PMEPA1: variants seen among roughly 807,000 people sequenced by gnomAD.
PMEPA1 encodes the protein prostate transmembrane protein, androgen induced 1, also known as protein TMEPAI.
Under a neutral mutation model 23.0 loss-of-function variants are expected in PMEPA1, and 11 were observed. The ratio of observed to expected loss-of-function variants is 0.48; its 90% CI spans 0.30 to 0.79. PMEPA1 has a LOEUF of 0.79. PMEPA1 is among the 30% of genes least tolerant of loss of function. The pLI is 0.06. For synonymous variants in PMEPA1, 204 were observed against 166.4 expected (o/e 1.23, Z -1.74); for missense variants, 377 against 390.9 (o/e 0.96, Z 0.30).
chr20:57,651,867 C>G lies in PMEPA1; in HGVS notation c.*186G>C. 2 of 344,744 alleles carry G rather than the reference C, an allele frequency of 5.8e-6. No individual in the cohort carries two copies. The highest frequency in any genetic ancestry group is 4.9e-6 in the Non-Finnish European group (1 of 202,528). The allele number at this position is 344,744 out of a possible 1,614,324, so 21.4% of individuals were successfully genotyped here. A position where few individuals can be genotyped will look rare whatever the true frequency, so the allele number is the denominator to read the frequency against. On this transcript the variant is annotated 3_prime_UTR_variant, in exon 4 of 4. Transcript: ENST00000341744. ...TTTTTCTTTTTTCTTTTTTTTTTTG[C>G]AAGCTCTCTTAGCTTGTGCATTCAG...
chr20:57,700,144 T>A (rs1376259858), intron 1 of PMEPA1: 1 of 471,370 alleles, frequency 2.1e-6, no homozygotes, highest in East Asian at 6.9e-5. Context: ...ACTCTTCCAC[T>A]CCTGATGCTG....
intron 1 of PMEPA1, among the ~76,000 whole-genome samples, chr20:57,669,161 T>TTATTTATTTATG (rs2071533946): frequency 6.6e-6 from 1 of 151,444 alleles, no homozygotes; most frequent in Non-Finnish European, 1.5e-5. Context: ...ATTTATTTAT[T>TTATTTATTTATG]TATTTATTTA....
Position 57,686,138 on chromosome 20 carries a change from C to T in PMEPA1, c.109+23336G>A, listed in dbSNP as rs115315718. Among the ~76,000 whole-genome samples, 547 of 152,280 alleles carry T rather than the reference C, an allele frequency of 3.6e-3. 5 individuals are homozygous for T. The highest frequency in any genetic ancestry group is 0.013 in the African/African-American group (522 of 41,558). On this transcript the variant is annotated intron_variant, in intron 1 of 3. Coordinates refer to ENST00000341744, the MANE Select transcript of PMEPA1 (RefSeq NM_020182.5). ...GAGCTCCCAGAGCCTCAACACAAGC[C>T]GTGCGCTGACCTCTCCTTCAGGTTA...
Position 57,652,892 on chromosome 20 carries a change from G to A in PMEPA1, c.318+141C>T. 3 of 770,706 alleles carry A rather than the reference G, an allele frequency of 3.9e-6. No homozygotes were observed. Among genetic ancestry groups the A allele is most frequent in the Non-Finnish European group, 2.2e-6 (1 of 453,804 alleles). 47.7% of individuals were successfully genotyped at this position (770,706 alleles called of 1,614,324 possible). ...CAGGGGCAGGGAGCAGATGATCTCC[G>A]GCAAGGAGGATCCCAGCAGCAAGGG... On this transcript the variant is annotated intron_variant, in intron 3 of 3. Transcript: ENST00000341744. This position sits in a 1 kb window ranked among gnomAD's most constrained non-coding sequence, Gnocchi z 6.1.
chr20:57,657,819 G>A (rs1023415546), intron 2 of PMEPA1, among the ~76,000 whole-genome samples: 4 of 152,192 alleles, frequency 2.6e-5, no homozygotes, highest in Non-Finnish European at 5.9e-5. Flanking sequence ...AACCCCAGGC[G>A]TCCCCAGAAG....
chr20:57,673,516 C>A (rs1015846130), intron 1 of PMEPA1, among the ~76,000 whole-genome samples: 1 of 152,208 alleles, frequency 6.6e-6, no homozygotes, highest in African/African-American at 2.4e-5. Context: ...ATGAGCCCGG[C>A]ATGCAGGAGT....
At chr20:57,653,530 A>C (rs2071283816) in intron 2 of PMEPA1, among the ~76,000 whole-genome samples, 1 of 152,210 alleles carries the variant, frequency 6.6e-6, no homozygotes, top group Non-Finnish European at 1.5e-5. Flanking sequence ...TCTGTACCTG[A>C]ATTACAGTTC....
chr20:57,702,008 C>G lies in PMEPA1; in HGVS notation c.109+7466G>C, dbSNP rs558943638. On this transcript the variant is annotated intron_variant, in intron 1 of 3. Coordinates refer to ENST00000341744, the MANE Select transcript of PMEPA1 (RefSeq NM_020182.5). Reference sequence around the variant, plus strand: ...GGCCAGGGTGCTCCTGGGCCCCAAACAGGACACCAGGCTGGGGGTCTCCCT... The same window carrying G: ...GGCCAGGGTGCTCCTGGGCCCCAAAGAGGACACCAGGCTGGGGGTCTCCCT... Among the ~76,000 whole-genome samples the G allele has an allele frequency of 2.0e-5, 3 of 152,302 alleles. No individual in the cohort carries two copies. The East Asian group carries it at 5.8e-4, about 29-fold the overall frequency.
chr20:57,654,424 C>T (rs913159135), intron 2 of PMEPA1, among the ~76,000 whole-genome samples: 1 of 152,072 alleles, frequency 6.6e-6, no homozygotes, highest in South Asian at 2.1e-4. Flanking sequence ...TGGGTAGGAA[C>T]GGCCAGAGGG....
intron 1 of PMEPA1, among the ~76,000 whole-genome samples, chr20:57,669,776 G>A (rs546057847): frequency 5.3e-5 from 8 of 152,258 alleles, no homozygotes; most frequent in South Asian, 2.1e-4. Flanking sequence ...TGGGTCCCTC[G>A]AGGAGGGACC....
At chr20:57,668,881 C>T (rs977288526) in intron 1 of PMEPA1, among the ~76,000 whole-genome samples, 1 of 152,188 alleles carries the variant, frequency 6.6e-6, no homozygotes, top group South Asian at 2.1e-4. Context: ...TTGCCTTGAT[C>T]CCGGCCCCCA....
intron 1 of PMEPA1, among the ~76,000 whole-genome samples, chr20:57,660,490 C>A (rs551672846): frequency 6.8e-6 from 1 of 146,856 alleles, no homozygotes; most frequent in Non-Finnish European, 1.5e-5. Flanking sequence ...CCTACACACA[C>A]AACACCCCAA....
intron 1 of PMEPA1, among the ~76,000 whole-genome samples, chr20:57,691,079 G>A (rs1396422164): frequency 6.6e-6 from 1 of 152,168 alleles, no homozygotes; most frequent in Admixed American, 6.5e-5. Flanking sequence ...ACAGTCATTG[G>A]TTTTCTGGCC....
At chr20:57,690,521 G>A in intron 1 of PMEPA1, 4 of 1,294,530 alleles carry the variant, frequency 3.1e-6, no homozygotes, top group Non-Finnish European at 4.1e-6. Context: ...TTTTTATTGT[G>A]AAGCAAAAAA....
intron 1 of PMEPA1, chr20:57,700,160 A>G: frequency 2.1e-6 from 1 of 471,550 alleles, no homozygotes; most frequent in South Asian, 1.5e-5. Flanking sequence ...TGCTGATGCG[A>G]CTTGCATACT....
chr20:57,675,642 T>G (rs1319288484), intron 1 of PMEPA1, among the ~76,000 whole-genome samples: 1 of 152,182 alleles, frequency 6.6e-6, no homozygotes, highest in Non-Finnish European at 1.5e-5. Flanking sequence ...CTGAATGGAT[T>G]GCCGGGCCCA....
intron 1 of PMEPA1, among the ~76,000 whole-genome samples, chr20:57,696,816 G>A (rs554128100): frequency 2.0e-5 from 3 of 152,344 alleles, no homozygotes; most frequent in African/African-American, 7.2e-5. Flanking sequence ...TCAGAGCAGA[G>A]CTCAAGATTT....
rs944899812 is a variant in PMEPA1, at chr20:57,650,112, C to T, written c.*1941G>A. On this transcript the variant is annotated 3_prime_UTR_variant, in exon 4 of 4. Coordinates refer to ENST00000341744, the MANE Select transcript of PMEPA1 (RefSeq NM_020182.5). ...CTACTAGGCTGGCGGCATGCAGAGC[C>T]CACGTCTGTCAGCTGCCACCTTCGT... 6.6e-6 allele frequency: 1 copy of T among 152,266 alleles called. No individual in the cohort carries two copies. Among genetic ancestry groups the T allele is most frequent in the African/African-American group, 2.4e-5 (1 of 41,444 alleles). The allele number at this position is 152,266 out of a possible 1,614,324, so 9.4% of individuals were successfully genotyped here.
chr20:57,690,313 C>G (rs2071861677), intron 1 of PMEPA1: 1 of 737,922 alleles, frequency 1.4e-6, no homozygotes, highest in African/African-American at 1.8e-5. Context: ...TGCCTGCACC[C>G]ACCCCCACCA....
Sources: allele counts gnomAD v4.1 joint callset (sites outside exome capture counted in the v4.1 genomes callset), GRCh38; gene constraint gnomAD v4.1.1; non-coding constraint Gnocchi (gnomAD v3.1); transcripts MANE v1.5; gene names NCBI Gene and HGNC (gene_info 2026-07-23, HGNC 2026-07-21).